Variants in NRF1 observed in about 807,000 individuals in gnomAD.
NRF1 encodes the protein nuclear respiratory factor 1.
In NRF1, 5 loss-of-function variants were observed where a neutral mutation model predicts 58.5. The ratio of observed to expected loss-of-function variants is 0.09; its 90% CI spans 0.04 to 0.18. The LOEUF is 0.18. Among genes scored for constraint, NRF1 ranks in the 10% least tolerant of loss-of-function variants. NRF1 has a pLI of 1.00. For synonymous variants in NRF1, 224 were observed against 246.7 expected (o/e 0.91, Z 0.86); for missense variants, 288 against 657.7 (o/e 0.44, Z 6.15).
At chr7:129,647,803 T>C (rs1343326572) in intron 1 of NRF1, among the ~76,000 whole-genome samples, 1 of 152,268 alleles carries the variant, frequency 6.6e-6, no homozygotes, top group African/African-American at 2.4e-5. Flanking sequence ...ATGAAAAATA[T>C]TTGATTAGTC....
Position 129,612,914 on chromosome 7 carries a change from G to A in NRF1, c.-7+1090G>A, listed in dbSNP as rs1250116871. The stretch of plus-strand genomic sequence containing the variant: ...AATCTTAATACTTGGGGGGCTTCCA[G>A]TGATATCTGCTCCAACCAGTTGGAG... On this transcript the variant is annotated intron_variant, in intron 1 of 10. Coordinates refer to ENST00000393232, the MANE Select transcript of NRF1 (RefSeq NM_005011.5). Among the ~76,000 whole-genome samples, 4 of 152,374 alleles carry A rather than the reference G, an allele frequency of 2.6e-5. No individual in the cohort carries two copies. In the East Asian group the frequency reaches 7.7e-4, roughly 29 times the overall value.
At chr7:129,711,673 G>GCACTCTTT in intron 8 of NRF1, 97 bp downstream of exon 8, 1 of 907,694 alleles carries the variant, frequency 1.1e-6, no homozygotes, top group Non-Finnish European at 1.7e-6. Flanking sequence ...CATGTCTGCG[G>GCACTCTTT]CACTCTTTCA....
chr7:129,652,563 G>A (rs1801560101), intron 1 of NRF1, among the ~76,000 whole-genome samples: 1 of 152,050 alleles, frequency 6.6e-6, no homozygotes, highest in Non-Finnish European at 1.5e-5. Context: ...TCTCCTGTAA[G>A]ATTAGTCACT....
chr7:129,752,127 C>G (rs1232761745), intron 10 of NRF1, among the ~76,000 whole-genome samples: 1 of 152,190 alleles, frequency 6.6e-6, no homozygotes, highest in Non-Finnish European at 1.5e-5. Context: ...AGTGGGAAGG[C>G]CTGTTGCAGA....
At chr7:129,612,780 A>G (rs1026188928) in intron 1 of NRF1, among the ~76,000 whole-genome samples, 2 of 152,112 alleles carry the variant, frequency 1.3e-5, no homozygotes, top group African/African-American at 2.4e-5. Context: ...TGTGCACTCC[A>G]TCGTGCAATG....
intron 1 of NRF1, among the ~76,000 whole-genome samples, chr7:129,654,217 A>C (rs1266893738): frequency 3.9e-5 from 6 of 152,332 alleles, no homozygotes; most frequent in South Asian, 4.2e-4. Context: ...TTCTCCCTTG[A>C]CATATGATGT....
At chr7:129,738,870 A>G (rs563250492) in intron 10 of NRF1, among the ~76,000 whole-genome samples, 2 of 152,322 alleles carry the variant, frequency 1.3e-5, no homozygotes, top group Admixed American at 1.3e-4. Context: ...TCTACTGCCC[A>G]ATGAAACTCC....
chr7:129,749,622 T>C (rs1434090976), intron 10 of NRF1, among the ~76,000 whole-genome samples: 1 of 152,030 alleles, frequency 6.6e-6, no homozygotes, highest in Non-Finnish European at 1.5e-5. Context: ...AACCTTACCA[T>C]GAAGCTTGAG....
At chr7:129,718,719 A>G (rs1416234514) in intron 9 of NRF1, among the ~76,000 whole-genome samples, 1 of 152,230 alleles carries the variant, frequency 6.6e-6, no homozygotes, top group East Asian at 1.9e-4. Flanking sequence ...TATGATAGAT[A>G]CTAGAGAGCT....
At chr7:129,646,337 G>C (rs774719159) in intron 1 of NRF1, among the ~76,000 whole-genome samples, 5 of 152,178 alleles carry the variant, frequency 3.3e-5, no homozygotes, top group Non-Finnish European at 7.3e-5. Flanking sequence ...AATTTTGAAT[G>C]CAAGTATGTA....
chr7:129,627,094 G>A (rs1800936399), intron 1 of NRF1, among the ~76,000 whole-genome samples: 1 of 152,178 alleles, frequency 6.6e-6, no homozygotes, highest in Non-Finnish European at 1.5e-5. Flanking sequence ...ACCACTGCTA[G>A]CAGTTTCTTG....
chr7:129,662,362 TC>T (rs1801803148), intron 2 of NRF1, among the ~76,000 whole-genome samples: 1 of 150,172 alleles, frequency 6.7e-6, no homozygotes, highest in Non-Finnish European at 1.5e-5. Context: ...GTGTTTTTTT[TC>T]CTCCAGTTTT....
intron 5 of NRF1, among the ~76,000 whole-genome samples, chr7:129,696,192 C>T (rs910669801): frequency 5.3e-5 from 8 of 151,952 alleles, no homozygotes; most frequent in Admixed American, 3.3e-4. Context: ...TGCAGTGAGC[C>T]GAGATCATGC....
intron 2 of NRF1, among the ~76,000 whole-genome samples, chr7:129,658,252 A>G (rs1801703153): frequency 6.6e-6 from 1 of 152,000 alleles, no homozygotes; most frequent in Admixed American, 6.6e-5. Flanking sequence ...AGCTTTTACT[A>G]TTATCAATAC....
chr7:129,728,324 GC>G (rs1284327803), intron 10 of NRF1, among the ~76,000 whole-genome samples: 3 of 152,094 alleles, frequency 2.0e-5, no homozygotes, highest in African/African-American at 7.2e-5. Context: ...TTCAAGACCA[GC>G]CTGGCCAACA....
intron 1 of NRF1, among the ~76,000 whole-genome samples, chr7:129,634,458 T>A (rs1307685737): frequency 6.6e-6 from 1 of 152,198 alleles, no homozygotes; most frequent in Non-Finnish European, 1.5e-5. Context: ...CCTTTTCAGA[T>A]TGGCTTCTGT....
intron 1 of NRF1, among the ~76,000 whole-genome samples, chr7:129,639,355 G>A (rs1253571957): frequency 6.6e-6 from 1 of 152,124 alleles, no homozygotes; most frequent in African/African-American, 2.4e-5. Context: ...CCAGTAATTG[G>A]CGTGGTTCCA....
In NRF1 at chr7:129,727,254, C is replaced by G; in HGVS notation, c.1237C>G (p.His413Asp). ...TMALNSEAAAHAVATLAEATL... is the reference protein window; with the variant it reads ...TMALNSEAAADAVATLAEATL... Reference sequence around the variant, plus strand: ...CTGTGCCCGCAGCGAAGCTGCCGCCCATGCTGTCGCCACCCTGGCTGAGGC... The same window carrying G: ...CTGTGCCCGCAGCGAAGCTGCCGCCGATGCTGTCGCCACCCTGGCTGAGGC... Residue 413 changes from histidine (H) to aspartate (D), a missense_variant, in exon 10 of 11, where the codon CAT (histidine) becomes GAT (aspartate). Around this residue, in one of 3 missense-constraint regions of NRF1, gnomAD observed 212 missense variants for 559.7 expected, o/e 0.38. Coordinates refer to ENST00000393232, the MANE Select transcript of NRF1 (RefSeq NM_005011.5). 1 of 1,596,976 alleles carries G rather than the reference C, an allele frequency of 6.3e-7. No homozygotes were observed. Among genetic ancestry groups the G allele is most frequent in the Non-Finnish European group, 8.5e-7 (1 of 1,175,286 alleles).
chr7:129,667,171 C>G (rs192249664), intron 2 of NRF1, among the ~76,000 whole-genome samples: 3 of 152,326 alleles, frequency 2.0e-5, no homozygotes, highest in East Asian at 3.9e-4. Context: ...TGCTAAATGT[C>G]TTTCCAAATC....
Sources: gnomAD v4.1 joint callset for allele counts (sites outside exome capture counted in the v4.1 genomes callset) on GRCh38, gnomAD v4.1.1 for gene constraint, gnomAD v4.1.1 regional missense constraint, MANE v1.5 for transcripts, NCBI Gene and HGNC (gene_info 2026-07-23, HGNC 2026-07-21) for gene names.